MGAT4C: variants seen among roughly 807,000 people sequenced by gnomAD.
MGAT4C encodes the protein alpha-1,3-mannosyl-glycoprotein 4-beta-N-acetylglucosaminyltransferase C.
Under a neutral mutation model 40.1 loss-of-function variants are expected in MGAT4C, and 19 were observed. That is an observed-to-expected ratio of 0.47 (90% CI 0.33 to 0.70). MGAT4C has a LOEUF of 0.70. Ranked by LOEUF, MGAT4C falls within the 30% of genes least tolerant of loss-of-function variation. The probability of loss-of-function intolerance (pLI) is 0.02; values close to 1 mark genes in which losing one functional copy is unlikely to be tolerated. For synonymous variants in MGAT4C, 181 were observed against 187.1 expected (o/e 0.97, Z 0.27); for missense variants, 491 against 563.2 (o/e 0.87, Z 1.30).
At chr12:86,122,225 A>G (rs1879479275) in intron 1 of MGAT4C, among the ~76,000 whole-genome samples, 2 of 152,140 alleles carry the variant, frequency 1.3e-5, no homozygotes, top group Admixed American at 1.3e-4. Context: ...AATTAAAAGT[A>G]CTCATTTTAA....
intron 1 of MGAT4C, among the ~76,000 whole-genome samples, chr12:86,188,360 T>G (rs1443411706): frequency 6.6e-6 from 1 of 151,890 alleles, no homozygotes; most frequent in Non-Finnish European, 1.5e-5. Context: ...GTATAAACAT[T>G]ATTTCTTCCT....
chr12:86,483,569 A>C (rs995269884), intron 2 of MGAT4C, among the ~76,000 whole-genome samples: 1 of 152,010 alleles, frequency 6.6e-6, no homozygotes, highest in South Asian at 2.1e-4. Context: ...TAGGTGCATA[A>C]AATGAAAGTT....
chr12:86,567,953 G>A (rs147010867), intron 2 of MGAT4C, among the ~76,000 whole-genome samples: 32 of 152,200 alleles, frequency 2.1e-4, no homozygotes, highest in South Asian at 1.5e-3. Flanking sequence ...GCTTCTGGTC[G>A]ACAAAGGATA....
intron 4 of MGAT4C, among the ~76,000 whole-genome samples, chr12:86,333,731 T>C (rs1056258206): frequency 1.3e-5 from 2 of 152,190 alleles, no homozygotes; most frequent in Admixed American, 6.6e-5. Context: ...AAAAAAGGCA[T>C]GGAAAATGTT....
intron 2 of MGAT4C, among the ~76,000 whole-genome samples, chr12:86,542,321 A>G (rs1039953556): frequency 6.6e-6 from 1 of 152,046 alleles, no homozygotes; most frequent in Non-Finnish European, 1.5e-5. Flanking sequence ...ACATTCAGGA[A>G]ATAAGTAGGA....
chr12:85,991,126 T>C (rs561697291), intron 2 of MGAT4C, among the ~76,000 whole-genome samples: 5 of 152,242 alleles, frequency 3.3e-5, no homozygotes, highest in African/African-American at 1.2e-4. Context: ...GGGTAGGTCC[T>C]CTCTGTAGAC....
chr12:86,467,219 T>A lies in MGAT4C; in HGVS notation c.-228-31954A>T, dbSNP rs902069064. Among the ~76,000 whole-genome samples the A allele has an allele frequency of 2.0e-5, 3 of 152,198 alleles. No homozygotes were observed. The South Asian group carries it at 6.2e-4, about 31-fold the overall frequency. On this transcript the variant is annotated intron_variant, in intron 2 of 7. Transcript: ENST00000548651. Reference sequence around the variant, plus strand: ...CCATGTTCTTAAAAGAAAAGAACCTTATTCTTTCTCTCTCCTCTGCAAATT... The same window carrying A: ...CCATGTTCTTAAAAGAAAAGAACCTAATTCTTTCTCTCTCCTCTGCAAATT...
At chr12:86,576,554 C>T (rs1351375249) in intron 2 of MGAT4C, among the ~76,000 whole-genome samples, 1 of 151,826 alleles carries the variant, frequency 6.6e-6, no homozygotes, top group Non-Finnish European at 1.5e-5. Flanking sequence ...TCAAGTTTTT[C>T]CAGCACCATT....
intron 2 of MGAT4C, among the ~76,000 whole-genome samples, chr12:86,600,975 T>C (rs1961749736): frequency 1.3e-5 from 2 of 152,246 alleles, no homozygotes; most frequent in Non-Finnish European, 2.9e-5. Flanking sequence ...CCAGGCGCTG[T>C]AGCGACCCAG....
chr12:86,601,352 C>T (rs1467595620), intron 2 of MGAT4C: 1 of 151,920 alleles, frequency 6.6e-6, no homozygotes, highest in Non-Finnish European at 1.5e-5. Context: ...TCAAGCCCTC[C>T]CATGGCCACC....
chr12:86,822,958 C>G (rs184105187), intron 1 of MGAT4C, among the ~76,000 whole-genome samples: 38 of 151,082 alleles, frequency 2.5e-4, no homozygotes, highest in African/African-American at 8.9e-4. Context: ...TATACCAAGT[C>G]TTTTCTGATC....
chr12:86,599,974 T>G (rs1380015751), intron 2 of MGAT4C, among the ~76,000 whole-genome samples: 1 of 151,990 alleles, frequency 6.6e-6, no homozygotes, highest in Non-Finnish European at 1.5e-5. Context: ...GGAAGGATAT[T>G]GAAAATAAAC....
chr12:86,694,554 G>A (rs983765742), intron 2 of MGAT4C, among the ~76,000 whole-genome samples: 2 of 152,034 alleles, frequency 1.3e-5, no homozygotes, highest in African/African-American at 2.4e-5. Flanking sequence ...CTTGATTGAT[G>A]TAATTCAAAT....
intron 2 of MGAT4C, among the ~76,000 whole-genome samples, chr12:86,705,366 T>C (rs1409397211): frequency 6.6e-6 from 1 of 152,014 alleles, no homozygotes; most frequent in Non-Finnish European, 1.5e-5. Context: ...GGAAAGCACA[T>C]AATTGAGTGC....
intron 1 of MGAT4C, among the ~76,000 whole-genome samples, chr12:86,183,784 C>T (rs1402744201): frequency 2.0e-5 from 3 of 152,276 alleles, no homozygotes; most frequent in African/African-American, 4.8e-5. Flanking sequence ...CTCTCTCTCT[C>T]GTTCTTCTTA....
Position 86,365,693 on chromosome 12 carries a change from T to C in MGAT4C, c.-119-31566A>G, listed in dbSNP as rs527630908. ...AACATTTCCCCACTGTTTTTTTTTTTTTTTTCTCTGAAGATCAAATGGTTG... is the reference window on the plus strand; with the variant it reads ...AACATTTCCCCACTGTTTTTTTTTTCTTTTTCTCTGAAGATCAAATGGTTG... On this transcript the variant is annotated intron_variant, in intron 3 of 7. Coordinates refer to the MGAT4C transcript ENST00000548651. Among the ~76,000 whole-genome samples, 83 of 152,106 alleles carry C rather than the reference T, an allele frequency of 5.5e-4. 1 individual carries two copies. In the Middle Eastern group the frequency reaches 0.031, roughly 56 times the overall value.
At chr12:86,391,508 G>A (rs940542241) in intron 3 of MGAT4C, among the ~76,000 whole-genome samples, 2 of 152,108 alleles carry the variant, frequency 1.3e-5, no homozygotes, top group Non-Finnish European at 2.9e-5. Context: ...TGAACTTTGC[G>A]GATAAGGTCC....
At chr12:86,629,056 G>A (rs1962927456) in intron 2 of MGAT4C, among the ~76,000 whole-genome samples, 1 of 151,888 alleles carries the variant, frequency 6.6e-6, no homozygotes. Flanking sequence ...AGGGATGGAG[G>A]AAGATCTACC....
chr12:86,596,395 G>T (rs12304778), intron 2 of MGAT4C, among the ~76,000 whole-genome samples: 149 of 152,192 alleles, frequency 9.8e-4, no homozygotes, highest in African/African-American at 3.3e-3. Flanking sequence ...CTTTAGGCCC[G>T]GGGACTATCG....
Sources: allele counts gnomAD v4.1 joint callset (sites outside exome capture counted in the v4.1 genomes callset), GRCh38; gene constraint gnomAD v4.1.1; transcripts MANE v1.5; gene names NCBI Gene and HGNC (gene_info 2026-07-23, HGNC 2026-07-21).